UBE2B: variants seen among roughly 807,000 people sequenced by gnomAD.
UBE2B encodes ubiquitin-conjugating enzyme E2 B.
A neutral mutation model predicts 24.6 loss-of-function variants in UBE2B; 11 were observed. That is an observed-to-expected ratio of 0.45 (90% CI 0.28 to 0.74). The LOEUF (loss-of-function observed/expected upper bound fraction) is 0.74. UBE2B is among the 30% of genes least tolerant of loss of function. The pLI is 0.13. For missense variants in UBE2B, 78 were observed against 185.6 expected, an observed-to-expected ratio of 0.42 and a Z score of 3.37; for synonymous variants, 68 against 62.4, an observed-to-expected ratio of 1.09 and a Z score of -0.42.
intron 1 of UBE2B, 142 bp downstream of exon 1, chr5:134,371,781 C>T (rs1758436918): frequency 7.2e-6 from 9 of 1,249,518 alleles, no homozygotes; most frequent in East Asian, 2.5e-5. Context: ...GGGTCCTAGC[C>T]TCGGCCCTAC....
intron 4 of UBE2B, 104 bp downstream of exon 4, chr5:134,380,912 G>A: frequency 6.1e-6 from 4 of 660,296 alleles, no homozygotes; most frequent in Admixed American, 2.4e-5. Context: ...CTCACTTGTA[G>A]GTGTTGCTTC....
chr5:134,371,775 C>A, intron 1 of UBE2B, 136 bp downstream of exon 1: 1 of 1,357,100 alleles, frequency 7.4e-7, no homozygotes, highest in Non-Finnish European at 1.0e-6. Context: ...GAAGCCGGGT[C>A]CTAGCCTCGG....
chr5:134,382,307 T>C (rs996020715), intron 4 of UBE2B, among the ~76,000 whole-genome samples: 4 of 148,276 alleles, frequency 2.7e-5, no homozygotes, highest in South Asian at 2.1e-4. Context: ...AAAAAAAATA[T>C]CAAGGCATGG....
chr5:134,383,599 C>T (rs553896585), intron 4 of UBE2B, among the ~76,000 whole-genome samples: 2 of 149,794 alleles, frequency 1.3e-5, no homozygotes, highest in African/African-American at 4.9e-5. Context: ...TCTCTTGCCT[C>T]AGCCTCCCAA....
At chr5:134,375,707 G>C (rs537817871) in intron 2 of UBE2B, among the ~76,000 whole-genome samples, 1 of 149,812 alleles carries the variant, frequency 6.7e-6, no homozygotes, top group South Asian at 2.1e-4. Context: ...GCTGAGGCAG[G>C]AGAATGGCGT....
At chr5:134,371,783 C>T in intron 1 of UBE2B, 144 bp downstream of exon 1, 1 of 1,249,362 alleles carries the variant, frequency 8.0e-7, no homozygotes, top group South Asian at 1.3e-5. Context: ...GTCCTAGCCT[C>T]GGCCCTACTC....
At chr5:134,388,510 G>T in intron 5 of UBE2B, 97 bp downstream of exon 5, 1 of 1,098,966 alleles carries the variant, frequency 9.1e-7, no homozygotes, top group Non-Finnish European at 1.4e-6. Context: ...GCTTGGACAA[G>T]AATCCATGCT....
chr5:134,375,886 C>G (rs1241733437), intron 2 of UBE2B, among the ~76,000 whole-genome samples: 3 of 143,702 alleles, frequency 2.1e-5, no homozygotes, highest in African/African-American at 7.7e-5. Context: ...TCTGAGCAAA[C>G]AAATCTGGCT....
At chr5:134,379,657 AAAAAAAAGG>A in intron 3 of UBE2B, among the ~76,000 whole-genome samples, 1 of 151,588 alleles carries the variant, frequency 6.6e-6, no homozygotes. Context: ...AAAAAAAAAA[AAAAAAAAGG>A]AAGAAAGAAA....
intron 3 of UBE2B, among the ~76,000 whole-genome samples, chr5:134,378,214 T>C (rs1332568291): frequency 2.6e-5 from 4 of 152,106 alleles, no homozygotes; most frequent in Non-Finnish European, 5.9e-5. Flanking sequence ...TTAAAGACAT[T>C]TTTATTAGTA....
intron 4 of UBE2B, among the ~76,000 whole-genome samples, chr5:134,387,354 A>G (rs889124856): frequency 1.4e-4 from 21 of 152,180 alleles, no homozygotes; most frequent in African/African-American, 5.1e-4. Context: ...TGTAATTGCT[A>G]TGTCAAAAAT....
chr5:134,382,322 G>A (rs371417189), intron 4 of UBE2B, among the ~76,000 whole-genome samples: 15 of 152,126 alleles, frequency 9.9e-5, no homozygotes, highest in Admixed American at 5.2e-4. Context: ...GCATGGTGGC[G>A]CACACCTGTA....
chr5:134,374,356 T>C (rs1451452846), intron 1 of UBE2B, 27 bp from the exon 2 acceptor site: 1 of 1,551,726 alleles, frequency 6.4e-7, no homozygotes, highest in East Asian at 2.4e-5. Context: ...ATGTTCAACT[T>C]TTTAAATTAC....
intron 1 of UBE2B, among the ~76,000 whole-genome samples, chr5:134,371,852 C>G (rs1758444010): frequency 6.6e-6 from 1 of 152,206 alleles, no homozygotes; most frequent in South Asian, 2.1e-4. Flanking sequence ...CTTCCCCTCC[C>G]CACAAAAAGT....
chr5:134,376,804 G>C, intron 3 of UBE2B, 110 bp downstream of exon 3: 5 of 1,080,536 alleles, frequency 4.6e-6, no homozygotes, highest in Non-Finnish European at 6.7e-6. Context: ...AATAGGCCAA[G>C]TTAAAAGTAA....
At chr5:134,389,551 C>CTT (rs985767264) in intron 5 of UBE2B, among the ~76,000 whole-genome samples, 20 of 139,476 alleles carry the variant, frequency 1.4e-4, no homozygotes, top group African/African-American at 4.5e-4. Flanking sequence ...TTTCTTTTTT[C>CTT]TTTTTTTTTT....
chr5:134,374,502 A>T, intron 2 of UBE2B, 39 bp downstream of exon 2: 1 of 1,544,232 alleles, frequency 6.5e-7, no homozygotes, highest in Non-Finnish European at 8.8e-7. Flanking sequence ...GTGTGTGCTG[A>T]ATCTTTAAGA....
rs193124356 is a variant in UBE2B at position 134,380,442 on chromosome 5, A to T, written c.152-277A>T. ...TGTAGTTCTTCAAATATGCATTTTA[A>T]ATCTTGGTAGCTAGGGCCTAGTTGC... On this transcript the variant is annotated intron_variant, in intron 3 of 5. Coordinates refer to ENST00000265339, the MANE Select transcript of UBE2B (RefSeq NM_003337.4). 6.6e-5 allele frequency among the ~76,000 whole-genome samples: 10 copies of T among 152,308 alleles called. No individual in the cohort carries two copies. The East Asian group carries it at 1.7e-3, about 26-fold the overall frequency.
chr5:134,380,480 T>C (rs1041462907), intron 3 of UBE2B, among the ~76,000 whole-genome samples: 2 of 152,242 alleles, frequency 1.3e-5, no homozygotes, highest in East Asian at 1.9e-4. Context: ...TCCAAAAATA[T>C]GACAGTTAAC....
Sources: allele counts gnomAD v4.1 joint callset (sites outside exome capture counted in the v4.1 genomes callset), GRCh38; gene constraint gnomAD v4.1.1; transcripts MANE v1.5; gene names NCBI Gene and HGNC (gene_info 2026-07-23, HGNC 2026-07-21).